Variants in COMMD10 observed in about 807,000 individuals in gnomAD.
COMMD10 encodes COMM domain-containing protein 10.
A neutral mutation model predicts 28.9 loss-of-function variants in COMMD10; 33 were observed. The ratio of observed to expected loss-of-function variants is 1.14; its 90% CI spans 0.87 to 1.53. COMMD10 has a LOEUF of 1.53. Ranked by LOEUF, COMMD10 falls within the 40% of genes most tolerant of loss-of-function variation. The pLI is 0.00. For synonymous variants in COMMD10, 110 were observed against 81.7 expected (o/e 1.35, Z -1.87); for missense variants, 310 against 233.4 (o/e 1.33, Z -2.14).
At chr5:116,267,490 G>C (rs1240166449) in intron 5 of COMMD10, among the ~76,000 whole-genome samples, 1 of 151,832 alleles carries the variant, frequency 6.6e-6, no homozygotes, top group Non-Finnish European at 1.5e-5. Flanking sequence ...TCATGGATAG[G>C]AAGAATCAAT....
chr5:116,264,609 G>A (rs1409635923), intron 5 of COMMD10, among the ~76,000 whole-genome samples: 2 of 151,856 alleles, frequency 1.3e-5, no homozygotes, highest in Non-Finnish European at 2.9e-5. Flanking sequence ...AGACCCATCC[G>A]TTTACATAAC....
chr5:116,164,415 A>C (rs569285829), intron 5 of COMMD10, among the ~76,000 whole-genome samples: 124 of 152,350 alleles, frequency 8.1e-4, no homozygotes, highest in African/African-American at 2.8e-3. Flanking sequence ...AAGTGGGGGT[A>C]ATTGACAGTT....
chr5:116,260,631 G>A (rs1259449260), intron 5 of COMMD10, among the ~76,000 whole-genome samples: 1 of 151,800 alleles, frequency 6.6e-6, no homozygotes, highest in African/African-American at 2.4e-5. Context: ...AGTATTAGGT[G>A]TTATAGTAAT....
Position 116,292,642 on chromosome 5 carries a change from G to A in COMMD10, c.*153G>A, listed in dbSNP as rs762340295. 48 of 506,274 alleles carry A rather than the reference G, an allele frequency of 9.5e-5. No individual in the cohort carries two copies. The highest frequency in any genetic ancestry group is 1.6e-4 in the Non-Finnish European group (46 of 289,786). The allele number at this position is 506,274 out of a possible 1,614,324, so 31.4% of individuals were successfully genotyped here. ...CTTCTTAGACAAATAACAACCAATA[G>A]AGATCATTGTTAAGAATACTGAGGT... is the stretch of plus-strand genomic sequence containing the variant. On this transcript the variant is annotated 3_prime_UTR_variant, in exon 7 of 7. Transcript: ENST00000274458.
intron 5 of COMMD10, among the ~76,000 whole-genome samples, chr5:116,167,335 T>C (rs1026972963): frequency 6.6e-6 from 1 of 152,032 alleles, no homozygotes; most frequent in Non-Finnish European, 1.5e-5. Flanking sequence ...CCAGGAAATA[T>C]GGGACTATGT....
intron 3 of COMMD10, among the ~76,000 whole-genome samples, chr5:116,091,701 C>T (rs1191278642): frequency 6.6e-6 from 1 of 152,086 alleles, no homozygotes; most frequent in Non-Finnish European, 1.5e-5. Context: ...CATTGTTAGT[C>T]TTTCAGCAGT....
rs181336044 is a variant in COMMD10, at chr5:116,174,124, C to T, written c.510+39946C>T. Among the ~76,000 whole-genome samples the T allele has an allele frequency of 4.8e-3, 726 of 150,034 alleles. 5 individuals carry two copies. Among genetic ancestry groups the T allele is most frequent in the African/African-American group, 0.015 (612 of 39,838 alleles). On this transcript the variant is annotated intron_variant, in intron 5 of 6. Coordinates refer to ENST00000274458, the MANE Select transcript of COMMD10 (RefSeq NM_016144.4). ...AGGATATGGAGATGGAGAGCAATAA[C>T]GGTACTATTTTAGGGAAGGCTTTTC...
intron 5 of COMMD10, among the ~76,000 whole-genome samples, chr5:116,192,063 A>G (rs570346374): frequency 2.6e-5 from 4 of 152,160 alleles, no homozygotes; most frequent in Admixed American, 6.5e-5. Flanking sequence ...GAGAGACAGT[A>G]ATCACTGCAC....
chr5:116,284,554 G>T (rs565716275), intron 5 of COMMD10, among the ~76,000 whole-genome samples: 7 of 151,792 alleles, frequency 4.6e-5, no homozygotes, highest in Admixed American at 6.6e-5. Flanking sequence ...GAAAAAAATA[G>T]GTCCAAATAG....
At chr5:116,288,705 A>G (rs1323615321) in intron 5 of COMMD10, among the ~76,000 whole-genome samples, 1 of 151,608 alleles carries the variant, frequency 6.6e-6, no homozygotes, top group Non-Finnish European at 1.5e-5. Flanking sequence ...CATTCTGCCT[A>G]AAACTGTTGT....
intron 5 of COMMD10, among the ~76,000 whole-genome samples, chr5:116,163,602 A>G (rs1403382463): frequency 1.3e-5 from 2 of 152,030 alleles, no homozygotes; most frequent in Non-Finnish European, 2.9e-5. Context: ...AAAAAATAAA[A>G]ATAAAATAAA....
intron 4 of COMMD10, among the ~76,000 whole-genome samples, chr5:116,130,633 T>G (rs1751834083): frequency 6.6e-6 from 1 of 152,014 alleles, no homozygotes; most frequent in African/African-American, 2.4e-5. Flanking sequence ...GTTTCTATAC[T>G]TTTCATTCAG....
At chr5:116,279,958 G>T (rs1397975430) in intron 5 of COMMD10, among the ~76,000 whole-genome samples, 1 of 151,864 alleles carries the variant, frequency 6.6e-6, no homozygotes, top group Non-Finnish European at 1.5e-5. Flanking sequence ...TGTGCAAACT[G>T]ATTAGGACAT....
At position 116,230,706 on chromosome 5, in the gene COMMD10, C is replaced by T. The variant is rs144694928; in HGVS notation, c.511-60811C>T. ...GGAAAGCAGTCTCCTCTTTTACCAG[C>T]CCCCACCTCAACTATATAATTTTAA... On this transcript the variant is annotated intron_variant, in intron 5 of 6. Coordinates refer to ENST00000274458, the MANE Select transcript of COMMD10 (RefSeq NM_016144.4). 7.2e-5 allele frequency among the ~76,000 whole-genome samples: 11 copies of T among 152,118 alleles called. 1 individual carries two copies. The East Asian group carries it at 2.1e-3, about 29-fold the overall frequency.
intron 5 of COMMD10, among the ~76,000 whole-genome samples, chr5:116,145,833 A>G (rs1341875421): frequency 3.3e-5 from 5 of 151,900 alleles, no homozygotes; most frequent in East Asian, 1.9e-4. Flanking sequence ...ACTTAAGAAG[A>G]AGGTGTCTTG....
rs756886920 is a variant in COMMD10 at position 116,092,695 on chromosome 5, T to G, written c.394T>G (p.Cys132Gly). Residue 132 changes from cysteine (C) to glycine (G), a missense_variant, in exon 4 of 7, where the codon TGT becomes GGT. Transcript: ENST00000274458. The part of the protein sequence containing the change: ...EKFRQRILAP[C>G]KLETVGWQLN... ...GTTCCGGCAGAGAATTCTGGCTCCCTGTAAGGTATAGAACATACTGTCTTA... is the reference window on the plus strand; with the variant it reads ...GTTCCGGCAGAGAATTCTGGCTCCCGGTAAGGTATAGAACATACTGTCTTA... 1.2e-6 allele frequency: 2 copies of G among 1,602,784 alleles called. No individual in the cohort carries two copies. The highest frequency in any genetic ancestry group is 1.7e-6 in the Non-Finnish European group (2 of 1,174,378).
chr5:116,110,826 T>C (rs11241356), intron 4 of COMMD10, among the ~76,000 whole-genome samples: 13,408 of 152,016 alleles, frequency 0.088, 656 homozygotes, highest in Admixed American at 0.13. Flanking sequence ...CTACACACTT[T>C]TAAACCACCA....
chr5:116,276,367 C>G (rs543369008), intron 5 of COMMD10, among the ~76,000 whole-genome samples: 31 of 151,578 alleles, frequency 2.0e-4, no homozygotes, highest in African/African-American at 7.1e-4. Context: ...ATTCTCCTGC[C>G]CCAGCCTCCC....
intron 5 of COMMD10, among the ~76,000 whole-genome samples, chr5:116,227,495 A>G (rs990177885): frequency 1.3e-5 from 2 of 151,904 alleles, no homozygotes; most frequent in Non-Finnish European, 2.9e-5. Context: ...CAATTTATAC[A>G]TCCTGCCACA....
Sources: gnomAD v4.1 joint callset for allele counts (sites outside exome capture counted in the v4.1 genomes callset) on GRCh38, gnomAD v4.1.1 for gene constraint, MANE v1.5 for transcripts, NCBI Gene and HGNC (gene_info 2026-07-23, HGNC 2026-07-21) for gene names.